BICDL1: variants seen among roughly 807,000 people sequenced by gnomAD.
BICDL1 encodes the protein BICD family like cargo adaptor 1.
In BICDL1, 20 loss-of-function variants were observed where a neutral mutation model predicts 76.8. That is an observed-to-expected ratio of 0.26 (90% CI 0.18 to 0.38). The LOEUF is 0.38. BICDL1 is among the 10% of genes least tolerant of loss of function. The pLI is 1.00. For synonymous variants in BICDL1, 383 were observed against 337.1 expected (o/e 1.14, Z -1.49); for missense variants, 700 against 798.6 (o/e 0.88, Z 1.49).
At chr12:120,032,981 G>A (rs551723966) in intron 2 of BICDL1, among the ~76,000 whole-genome samples, 25 of 152,152 alleles carry the variant, frequency 1.6e-4, no homozygotes, top group Admixed American at 6.6e-4. Flanking sequence ...TCCTGACCTC[G>A]TGATTTGCTG....
At chr12:120,060,204 T>A (rs1953074469) in intron 2 of BICDL1, among the ~76,000 whole-genome samples, 1 of 152,248 alleles carries the variant, frequency 6.6e-6, no homozygotes, top group Non-Finnish European at 1.5e-5. Flanking sequence ...CAAAAGTGAA[T>A]GACTAATGTG....
intron 2 of BICDL1, among the ~76,000 whole-genome samples, chr12:120,004,722 G>A (rs1281688723): frequency 2.6e-5 from 4 of 152,190 alleles, no homozygotes; most frequent in Non-Finnish European, 4.4e-5. Context: ...GCTAGGATAG[G>A]GTCGGCTTCT....
At position 120,023,650 on chromosome 12, in the gene BICDL1, C is replaced by T. The variant is rs558438334; in HGVS notation, c.645+24914C>T. 2.6e-5 allele frequency among the ~76,000 whole-genome samples: 4 copies of T among 152,120 alleles called. No individual in the cohort carries two copies. The East Asian group carries it at 5.8e-4, about 22-fold the overall frequency. On this transcript the variant is annotated intron_variant, in intron 2 of 9. Coordinates refer to ENST00000548673, the MANE Select transcript of BICDL1 (RefSeq NM_001367886.1). ...CTAAAAATACAAAAAATTAGCTGAG[C>T]GTGCTGGCAGGCACCTGTAATCCCA...
chr12:120,067,971 C>A (rs887445532), intron 4 of BICDL1, among the ~76,000 whole-genome samples: 4 of 152,244 alleles, frequency 2.6e-5, no homozygotes, highest in African/African-American at 9.6e-5. Flanking sequence ...CCAATCCTTT[C>A]TTCATTCTCT....
intron 2 of BICDL1, among the ~76,000 whole-genome samples, chr12:120,020,776 G>A (rs889424104): frequency 1.1e-4 from 17 of 152,274 alleles, no homozygotes; most frequent in African/African-American, 3.1e-4. Flanking sequence ...CTTTACAATG[G>A]GAGGGGTTTA....
chr12:120,035,075 C>T (rs1364832834), intron 2 of BICDL1, among the ~76,000 whole-genome samples: 1 of 152,182 alleles, frequency 6.6e-6, no homozygotes. Context: ...GTGGCTCAGA[C>T]CTCTAATCCC....
At position 119,989,477 on chromosome 12, in the gene BICDL1, A is replaced by AGCAGCAGCG. The variant is rs993119333; in HGVS notation, c.-390_-389insAGCAGCGGC. Among the ~76,000 whole-genome samples the AGCAGCAGCG allele has an allele frequency of 4.9e-4, 73 of 149,812 alleles. No homozygotes were observed. Among genetic ancestry groups the AGCAGCAGCG allele is most frequent in the Non-Finnish European group, 8.5e-4 (57 of 67,092 alleles). On this transcript the variant is annotated 5_prime_UTR_variant, in exon 1 of 10. Coordinates refer to ENST00000548673, the MANE Select transcript of BICDL1 (RefSeq NM_001367886.1). ...GGCCGGCGGCGGCAGCAGCAGCAGC[A>AGCAGCAGCG]GCGGCAGCGGCAACAGGGCGGCTGA...
intron 2 of BICDL1, among the ~76,000 whole-genome samples, chr12:120,035,260 C>T (rs548676142): frequency 1.8e-4 from 27 of 152,212 alleles, no homozygotes; most frequent in African/African-American, 6.3e-4. Context: ...TGCTGGAACC[C>T]GGGAGGTGGA....
chr12:120,026,636 G>A (rs933747776), intron 2 of BICDL1, among the ~76,000 whole-genome samples: 1 of 152,242 alleles, frequency 6.6e-6, no homozygotes, highest in African/African-American at 2.4e-5. Flanking sequence ...GCAAAGGGCT[G>A]CTTCAGCTCA....
chr12:120,022,415 T>C (rs1473119876), intron 2 of BICDL1, among the ~76,000 whole-genome samples: 1 of 147,340 alleles, frequency 6.8e-6, no homozygotes, highest in Non-Finnish European at 1.5e-5. Context: ...TATATATTTA[T>C]ATATATATTT....
At chr12:120,002,587 C>T (rs1343365835) in intron 2 of BICDL1, among the ~76,000 whole-genome samples, 2 of 152,212 alleles carry the variant, frequency 1.3e-5, no homozygotes, top group African/African-American at 4.8e-5. Context: ...TCTCATTACC[C>T]TCCTCTAAAG....
intron 2 of BICDL1, among the ~76,000 whole-genome samples, chr12:120,033,647 A>G (rs1399764727): frequency 6.6e-6 from 1 of 151,928 alleles, no homozygotes; most frequent in Non-Finnish European, 1.5e-5. Context: ...TCGGCCTCCC[A>G]AAGTGCTGGG....
chr12:120,013,437 AGAGTGTGT>A (rs1951996131), intron 2 of BICDL1, among the ~76,000 whole-genome samples: 1 of 117,824 alleles, frequency 8.5e-6, no homozygotes, highest in South Asian at 3.3e-4. Context: ...GTCTTTAACC[AGAGTGTGT>A]GTGTGTGTGT....
chr12:120,070,733 C>CTTT (rs72233478), intron 4 of BICDL1, among the ~76,000 whole-genome samples: 2 of 141,838 alleles, frequency 1.4e-5, no homozygotes, highest in South Asian at 2.2e-4. Context: ...TGGTATAACT[C>CTTT]TTTTTTTTTT....
rs200138322 is a variant in BICDL1, at chr12:120,002,033, TA to T, written c.645+3306del. On this transcript the variant is annotated intron_variant, in intron 2 of 9. Transcript: ENST00000548673. Reference sequence around the variant, plus strand: ...AGTGACAGAGTGAGACTTTGTCTCTTAAAAAAAAATTTTTTTAAGTGTATAA... The same window carrying T: ...AGTGACAGAGTGAGACTTTGTCTCTTAAAAAAAATTTTTTTAAGTGTATAA... Among the ~76,000 whole-genome samples, 11 of 152,034 alleles carry T rather than the reference TA, an allele frequency of 7.2e-5. No individual in the cohort carries two copies. The East Asian group carries it at 1.5e-3, about 21-fold the overall frequency.
chr12:120,052,651 G>A (rs945045042), intron 2 of BICDL1, among the ~76,000 whole-genome samples: 1 of 152,146 alleles, frequency 6.6e-6, no homozygotes, highest in African/African-American at 2.4e-5. Flanking sequence ...TAAATCTTAT[G>A]AAGAGATACT....
rs373363052 is a variant in BICDL1, at chr12:120,081,001, G to A, written c.1567G>A (p.Asp523Asn). Residue 523 changes from aspartate to asparagine, a missense_variant, in exon 8 of 10, where the codon GAC (aspartate) becomes AAC (asparagine). Coordinates refer to ENST00000548673, the MANE Select transcript of BICDL1 (RefSeq NM_001367886.1). ...EQLQKAIRDR[D>N]EAIAKKNAVE... The stretch of plus-strand genomic sequence containing the variant: ...GCTTCAGAAGGCCATCAGGGACCGC[G>A]ACGAGGCCATTGCAAAGTGAGTAGG... 28 of 1,613,386 alleles carry A rather than the reference G, an allele frequency of 1.7e-5. No individual in the cohort carries two copies. The African/African-American group carries it at 1.7e-4, about 10-fold the overall frequency.
intron 2 of BICDL1, among the ~76,000 whole-genome samples, chr12:120,011,308 G>A (rs1216657958): frequency 6.6e-6 from 1 of 152,198 alleles, no homozygotes; most frequent in East Asian, 1.9e-4. Flanking sequence ...ATGTAGACCA[G>A]CTTTTTGCCC....
chr12:120,081,105 C>G, intron 8 of BICDL1, 88 bp downstream of exon 8: 2 of 1,358,068 alleles, frequency 1.5e-6, no homozygotes, highest in African/African-American at 2.9e-5. Flanking sequence ...TTAAATCATA[C>G]AAAAGAATAC....
Sources: gnomAD v4.1 joint callset for allele counts (sites outside exome capture counted in the v4.1 genomes callset) on GRCh38, gnomAD v4.1.1 for gene constraint, MANE v1.5 for transcripts, NCBI Gene and HGNC (gene_info 2026-07-23, HGNC 2026-07-21) for gene names.